ADGRG1: variants seen among roughly 807,000 people sequenced by gnomAD.
ADGRG1 encodes 7-transmembrane protein with no EGF-like N-terminal domains-1.
Under a neutral mutation model 73.5 loss-of-function variants are expected in ADGRG1, and 53 were observed. The ratio of observed to expected loss-of-function variants is 0.72; its 90% CI spans 0.58 to 0.91. The LOEUF is 0.91. Ranked by LOEUF, ADGRG1 falls within the 40% of genes least tolerant of loss-of-function variation. The probability of loss-of-function intolerance (pLI) is 0.00; values close to 1 mark genes in which losing one functional copy is unlikely to be tolerated. For synonymous variants in ADGRG1, 394 were observed against 374.4 expected, an observed-to-expected ratio of 1.05 and a Z score of -0.60; for missense variants, 795 against 871.8, an observed-to-expected ratio of 0.91 and a Z score of 1.11.
rs1177809173 is a variant in ADGRG1 at position 57,655,434 on chromosome 16, G to A, written c.804G>A (p.Leu268=). 6.2e-7 allele frequency: 1 copy of A among 1,613,692 alleles called. No individual in the cohort carries two copies. Among genetic ancestry groups the A allele is most frequent in the Non-Finnish European group, 8.5e-7 (1 of 1,179,996 alleles). The change falls in exon 6 of 14, where the codon CTG becomes CTA. Residue 268 remains leucine, a synonymous_variant. Transcript: ENST00000562631. Reference sequence around the variant, plus strand: ...GCGAGATCATGGAGTACTCGGTGCTGCTGCCTCGAACACTCTTCCAGAGGA... The same window carrying A: ...GCGAGATCATGGAGTACTCGGTGCTACTGCCTCGAACACTCTTCCAGAGGA... ...EQSEIMEYSV[L]LPRTLFQRTK...
intron 2 of ADGRG1, chr16:57,621,815 G>A (rs2034877305): frequency 1.0e-6 from 1 of 977,380 alleles, no homozygotes; most frequent in African/African-American, 1.7e-5. Context: ...ACAATTTTAG[G>A]GGCAAGAGCA....
chr16:57,651,010 A>C lies in ADGRG1; in HGVS notation c.65-190A>C, dbSNP rs1203129351. 2.0e-6 allele frequency: 3 copies of C among 1,512,686 alleles called. No individual in the cohort carries two copies. In the Admixed American group the frequency reaches 6.1e-5, roughly 31 times the overall value. 93.7% of individuals were successfully genotyped at this position (1,512,686 alleles called of 1,614,324 possible). A position where few individuals can be genotyped will look rare whatever the true frequency, so the allele number is the denominator to read the frequency against. ...GGCGTGAGCCACCGCGCCCGGCCTC[A>C]GTTTCCTCTTTTTATAGTTTGATGC... On this transcript the variant is annotated intron_variant, in intron 2 of 13. Transcript: ENST00000562631.
chr16:57,635,482 A>G, intron 1 of ADGRG1: 1 of 985,366 alleles, frequency 1.0e-6, no homozygotes, highest in Non-Finnish European at 1.2e-6. Flanking sequence ...CTCTTCATGG[A>G]GATCCTGCAG....
At position 57,660,271 on chromosome 16, in the gene ADGRG1, G is replaced by T. The variant is rs992448197; in HGVS notation, c.1556-497G>T. The T allele has an allele frequency of 1.1e-5, 11 of 985,182 alleles. No homozygotes were observed. In the South Asian group the frequency reaches 4.2e-4, roughly 38 times the overall value. The allele number at this position is 985,182 out of a possible 1,614,324, so 61.0% of individuals were successfully genotyped here. A position where few individuals can be genotyped will look rare whatever the true frequency, so the allele number is the denominator to read the frequency against. ...CTGCTCTTCGCGGGTTTGTCATTGG[G>T]CCCCTTCTTTGTCCATTCCCCCATT... On this transcript the variant is annotated intron_variant, in intron 11 of 13. Transcript: ENST00000562631.
upstream of ADGRG1, chr16:57,626,593 A>G (rs1426272225): frequency 1.0e-6 from 1 of 985,322 alleles, no homozygotes; most frequent in African/African-American, 1.7e-5. Flanking sequence ...AGGCAGCCCC[A>G]TAAGCCTCTC....
At chr16:57,659,748 C>T (rs2046627784) in intron 11 of ADGRG1, 67 bp downstream of exon 11, 2 of 1,532,690 alleles carry the variant, frequency 1.3e-6, no homozygotes, top group South Asian at 2.3e-5. Flanking sequence ...AACCCAGGCA[C>T]CTGGTTCTGC....
chr16:57,633,970 G>T, intron 1 of ADGRG1: 1 of 527,720 alleles, frequency 1.9e-6, no homozygotes, highest in Non-Finnish European at 2.4e-6. Context: ...CCCAGGTTTT[G>T]GAGTGAGTTA....
chr16:57,642,111 T>C, intron 1 of ADGRG1: 1 of 985,380 alleles, frequency 1.0e-6, no homozygotes, highest in Middle Eastern at 5.2e-4. Context: ...TGCATCTTCA[T>C]ATTCTTTCTC....
chr16:57,625,390 C>A (rs762013786), upstream of ADGRG1: 1 of 157,254 alleles, frequency 6.4e-6, no homozygotes, highest in Admixed American at 6.5e-5. Context: ...ACGTTTCAGA[C>A]ATCTTCCCCC....
At position 57,630,969 on chromosome 16, in the gene ADGRG1, G is replaced by A. The variant is rs113451421; in HGVS notation, c.-36+2167G>A. On this transcript the variant is annotated intron_variant, in intron 1 of 13. Transcript: ENST00000562631. ...AGGCCAGCAGGTCTCAATCTGCTCTGTGGGGGGGAAGAGAGGCAGGAGGAC... is the reference window on the plus strand; with the variant it reads ...AGGCCAGCAGGTCTCAATCTGCTCTATGGGGGGGAAGAGAGGCAGGAGGAC... 5.3e-5 allele frequency: 52 copies of A among 985,832 alleles called. No individual in the cohort carries two copies. The African/African-American group carries it at 7.8e-4, about 15-fold the overall frequency. The allele number at this position is 985,832 out of a possible 1,614,324, so 61.1% of individuals were successfully genotyped here.
intron 10 of ADGRG1, chr16:57,659,054 A>G (rs1409351980): frequency 1.0e-6 from 1 of 985,282 alleles, no homozygotes; most frequent in Non-Finnish European, 1.2e-6. Context: ...ACAGACGGGA[A>G]GACACAGAAT....
chr16:57,651,861 C>G, intron 3 of ADGRG1: 1 of 1,436,088 alleles, frequency 7.0e-7, no homozygotes, highest in Non-Finnish European at 9.1e-7. Context: ...TGTGGGCAGG[C>G]AGGGGTGAGG....
At chr16:57,640,980 G>A (rs572977964) in intron 1 of ADGRG1, 27 of 985,486 alleles carry the variant, frequency 2.7e-5, no homozygotes, top group South Asian at 1.9e-4. Flanking sequence ...ACTGAGGTCC[G>A]GCTGTGGTTT....
rs1337710618 is a variant in ADGRG1, at chr16:57,654,388, C to G, written c.768+255C>G. 2.7e-5 allele frequency among the ~76,000 whole-genome samples: 4 copies of G among 150,822 alleles called. No individual in the cohort carries two copies. The East Asian group carries it at 7.9e-4, about 30-fold the overall frequency. On this transcript the variant is annotated intron_variant, in intron 5 of 13. Coordinates refer to ENST00000562631, the MANE Select transcript of ADGRG1 (RefSeq NM_201525.4). Reference sequence around the variant, plus strand: ...GCCACCCGTGTGAACAGAAGACCAGCCCCTAAACGCCTGTCCACGCACCCC... The same window carrying G: ...GCCACCCGTGTGAACAGAAGACCAGGCCCTAAACGCCTGTCCACGCACCCC...
chr16:57,654,876 T>C (rs1477539962), intron 5 of ADGRG1: 1 of 164,980 alleles, frequency 6.1e-6, no homozygotes, highest in Non-Finnish European at 1.3e-5. Context: ...CGAGACTCTG[T>C]CTCAAAAAAC....
intron 1 of ADGRG1, 159 bp downstream of exon 1, chr16:57,628,961 T>TGTGA (rs1567669026): frequency 1.8e-6 from 1 of 551,974 alleles, no homozygotes; most frequent in African/African-American, 3.7e-5. Context: ...TGAGAGTGTG[T>TGTGA]GAGTGTGAGT....
chr16:57,660,954 A>T, intron 12 of ADGRG1, 78 bp downstream of exon 12: 3 of 885,440 alleles, frequency 3.4e-6, no homozygotes, highest in Non-Finnish European at 5.6e-6. Flanking sequence ...GGCCCAGGTC[A>T]TGCTGGCCAG....
In ADGRG1 at chr16:57,650,229, G is replaced by C. The variant is rs146286535; in HGVS notation, c.-35-24G>C. On this transcript the variant is annotated intron_variant, in intron 1 of 13. Coordinates refer to ENST00000562631, the MANE Select transcript of ADGRG1 (RefSeq NM_201525.4). ...AACCACCACACAGTCCACACTCCCA[G>C]CTAACACTCCTGGTCTCTTCCAGGT... 326 of 1,584,508 alleles carry C rather than the reference G, an allele frequency of 2.1e-4. 2 individuals carry two copies. In the African/African-American group the frequency reaches 3.9e-3, roughly 19 times the overall value.
rs778258584 is a variant in ADGRG1, at chr16:57,656,503, C to T, written c.1064-11C>T. 1.9e-6 allele frequency: 3 copies of T among 1,602,520 alleles called. No individual in the cohort carries two copies. The East Asian group carries it at 6.7e-5, about 36-fold the overall frequency. Reference sequence around the variant, plus strand: ...GGACTTGATTGGAGCCCCGTGCTGTCCCCTCCTCAGTGAGCAGCCCGGGGC... The same window carrying T: ...GGACTTGATTGGAGCCCCGTGCTGTTCCCTCCTCAGTGAGCAGCCCGGGGC... On this transcript the variant is annotated splice_polypyrimidine_tract_variant and intron_variant, in intron 8 of 13. Coordinates refer to ENST00000562631, the MANE Select transcript of ADGRG1 (RefSeq NM_201525.4).
Sources: allele counts gnomAD v4.1 joint callset (sites outside exome capture counted in the v4.1 genomes callset), GRCh38; gene constraint gnomAD v4.1.1; transcripts MANE v1.5; gene names NCBI Gene and HGNC (gene_info 2026-07-23, HGNC 2026-07-21).